Variants in PDK2 observed in about 807,000 individuals in gnomAD.
PDK2 encodes the protein pyruvate dehydrogenase kinase 2, also known as pyruvate dehydrogenase kinase, isozyme 2.
A neutral mutation model predicts 50.4 loss-of-function variants in PDK2; 34 were observed. That is an observed-to-expected ratio of 0.68 (90% confidence interval 0.51 to 0.90). The LOEUF (loss-of-function observed/expected upper bound fraction) is 0.90, where lower values mean the gene tolerates loss of function less well. PDK2 is among the 40% of genes least tolerant of loss of function. The probability of loss-of-function intolerance (pLI) is 0.00; values close to 1 mark genes in which losing one functional copy is unlikely to be tolerated. For missense variants in PDK2, 377 were observed against 544.5 expected (o/e 0.69, Z 3.06); for synonymous variants, 232 against 216.0 (o/e 1.07, Z -0.65).
Position 50,109,353 on chromosome 17 carries a change from C to T in PDK2, c.1036C>T (p.Leu346Phe). 1 of 1,613,806 alleles carries T rather than the reference C, an allele frequency of 6.2e-7. No homozygotes were observed. Among genetic ancestry groups the T allele is most frequent in the East Asian group, 2.2e-5 (1 of 44,870 alleles). ...CAAGTACTTCCAGGGAGACCTGCAG[C>T]TCTTCTCCATGGAAGGCTTTGGGAC... ...YAKYFQGDLQLFSMEGFGTDA... is the reference protein window; with the variant it reads ...YAKYFQGDLQFFSMEGFGTDA... Residue 346 changes from leucine to phenylalanine, a missense_variant, in exon 10 of 11, where the codon CTC (leucine) becomes TTC (phenylalanine). By Grantham distance (22) the Leu-to-Phe change is conservative. Transcript: ENST00000503176. This position sits in a 1 kb window ranked among gnomAD's most constrained non-coding sequence, Gnocchi z 5.0.
At position 50,097,566 on chromosome 17, in the gene PDK2, T is replaced by TGAGAC; in HGVS notation, c.260+3_260+7dup. The TGAGAC allele has an allele frequency of 6.2e-7, 1 of 1,612,554 alleles. No homozygotes were observed. The highest frequency in any genetic ancestry group is 8.5e-7 in the Non-Finnish European group (1 of 1,179,968). ...CTCCGTGCAGCTGGTGCAGAGCTGG[T>TGAGAC]GAGACCCCTGGCTCAGTCCCTGCAC... On this transcript the variant is annotated splice_region_variant and intron_variant, in intron 2 of 10. Coordinates refer to ENST00000503176, the MANE Select transcript of PDK2 (RefSeq NM_002611.5).
intron 2 of PDK2, among the ~76,000 whole-genome samples, chr17:50,097,999 G>T (rs1910036756): frequency 1.3e-5 from 2 of 152,208 alleles, no homozygotes; most frequent in African/African-American, 4.8e-5. Context: ...CTGCAAGACA[G>T]ACTGTTTTGG....
chr17:50,105,728 G>T (rs1910472216), intron 3 of PDK2, among the ~76,000 whole-genome samples, 157 bp from the exon 4 acceptor site: 1 of 152,212 alleles, frequency 6.6e-6, no homozygotes, highest in African/African-American at 2.4e-5. Flanking sequence ...CCGGCAGGCA[G>T]CTAAAAGATC....
At position 50,110,170 on chromosome 17, in the gene PDK2, A is replaced by G; in HGVS notation, c.*73A>G. 1.4e-6 allele frequency: 2 copies of G among 1,461,518 alleles called. No homozygotes were observed. The highest frequency in any genetic ancestry group is 1.8e-6 in the Non-Finnish European group (2 of 1,093,512). The allele number at this position is 1,461,518 out of a possible 1,614,324, so 90.5% of individuals were successfully genotyped here. A position where few individuals can be genotyped will look rare whatever the true frequency, so the allele number is the denominator to read the frequency against. Reference sequence around the variant, plus strand: ...TCCCCCCACCGTGGTGCCCCTCACCATCCTCCTGGGGGAGCAGGGGGTGGG... The same window carrying G: ...TCCCCCCACCGTGGTGCCCCTCACCGTCCTCCTGGGGGAGCAGGGGGTGGG... On this transcript the variant is annotated 3_prime_UTR_variant, in exon 11 of 11. Coordinates refer to ENST00000503176, the MANE Select transcript of PDK2 (RefSeq NM_002611.5).
At position 50,106,789 on chromosome 17, in the gene PDK2, T is replaced by G; in HGVS notation, c.518-5T>G. ...GCCAACAGCATCCTCCCTTCCTGCC[T>G]GCAGCCCTCATCTTTGATGGCAGCA... On this transcript the variant is annotated splice_polypyrimidine_tract_variant and splice_region_variant and intron_variant, in intron 4 of 10. Coordinates refer to ENST00000503176, the MANE Select transcript of PDK2 (RefSeq NM_002611.5). The G allele has an allele frequency of 1.9e-6, 3 of 1,613,766 alleles. No individual in the cohort carries two copies. The highest frequency in any genetic ancestry group is 1.7e-6 in the Non-Finnish European group (2 of 1,179,708).
rs895890216 is a variant in PDK2 at position 50,108,311 on chromosome 17, C to T, written c.763-8C>T. ...TCCCATGCATCTCTTACCTCTGCCCCTCCGCAGAATGCCATGAGGGCGACT... is the reference window on the plus strand; with the variant it reads ...TCCCATGCATCTCTTACCTCTGCCCTTCCGCAGAATGCCATGAGGGCGACT... On this transcript the variant is annotated splice_polypyrimidine_tract_variant and splice_region_variant and intron_variant, in intron 7 of 10. Coordinates refer to ENST00000503176, the MANE Select transcript of PDK2 (RefSeq NM_002611.5). 1 of 1,612,914 alleles carries T rather than the reference C, an allele frequency of 6.2e-7. No individual in the cohort carries two copies. The highest frequency in any genetic ancestry group is 1.3e-5 in the African/African-American group (1 of 74,926).
At chr17:50,108,984 C>T (rs1910672780) in intron 9 of PDK2, among the ~76,000 whole-genome samples, 1 of 152,146 alleles carries the variant, frequency 6.6e-6, no homozygotes, top group Non-Finnish European at 1.5e-5. Context: ...TGTTGTCCAA[C>T]TTGTCAGCAC....
Position 50,109,388 on chromosome 17 carries a change from C to A in PDK2, c.1071C>A (p.Val357=). 6.2e-7 allele frequency: 1 copy of A among 1,608,418 alleles called. No homozygotes were observed. Among genetic ancestry groups the A allele is most frequent in the Non-Finnish European group, 8.5e-7 (1 of 1,175,516 alleles). Reference sequence around the variant, plus strand: ...TGGAAGGCTTTGGGACCGATGCTGTCATCTATCTCAAGGTGAGGGCCCTTC... The same window carrying A: ...TGGAAGGCTTTGGGACCGATGCTGTAATCTATCTCAAGGTGAGGGCCCTTC... ...FSMEGFGTDA[V]IYLKALSTDS... Residue 357 remains valine (V), a synonymous_variant, in exon 10 of 11, where the codon GTC becomes GTA. Coordinates refer to ENST00000503176, the MANE Select transcript of PDK2 (RefSeq NM_002611.5). The surrounding 1 kb of genome is among the most constrained non-coding windows in gnomAD (Gnocchi z 5.0).
At position 50,105,347 on chromosome 17, in the gene PDK2, G is replaced by A. The variant is rs768639647; in HGVS notation, c.261-24G>A. ...GGGCTAGCCACCTGAAGCTGAGGCTGTGTCCCCTCCCGCCCCCACACAGGT... is the reference window on the plus strand; with the variant it reads ...GGGCTAGCCACCTGAAGCTGAGGCTATGTCCCCTCCCGCCCCCACACAGGT... On this transcript the variant is annotated intron_variant, in intron 2 of 10. Transcript: ENST00000503176. 4.5e-6 allele frequency: 7 copies of A among 1,570,450 alleles called. No homozygotes were observed. The South Asian group carries it at 5.9e-5, about 13-fold the overall frequency.
chr17:50,100,287 T>C (rs1294829397), intron 2 of PDK2, among the ~76,000 whole-genome samples: 2 of 152,226 alleles, frequency 1.3e-5, no homozygotes, highest in African/African-American at 2.4e-5. Context: ...TAAATAAACC[T>C]GATACATTTC....
In PDK2 at chr17:50,109,047, T is replaced by C. The variant is rs1001354963; in HGVS notation, c.970-240T>C. On this transcript the variant is annotated intron_variant, in intron 9 of 10. Coordinates refer to ENST00000503176, the MANE Select transcript of PDK2 (RefSeq NM_002611.5). The surrounding 1 kb of genome is among the most constrained non-coding windows in gnomAD (Gnocchi z 5.0). ...AGGAGCCGTGGGGCCTGCTCTGACT[T>C]CCTGGCCCCTGAGCGGAACTCCTCT... is the stretch of plus-strand genomic sequence containing the variant. Among the ~76,000 whole-genome samples the C allele has an allele frequency of 2.0e-5, 3 of 152,106 alleles. No homozygotes were observed. Among genetic ancestry groups the C allele is most frequent in the Admixed American group, 6.5e-5 (1 of 15,282 alleles).
At chr17:50,106,377 T>G in intron 4 of PDK2, 1 of 538,886 alleles carries the variant, frequency 1.9e-6, no homozygotes. Context: ...AACAATTTGT[T>G]GTTTAGAGTT....
rs772261820 is a variant in PDK2 at position 50,109,419 on chromosome 17, G to T, written c.1083+19G>T. 6 of 1,535,300 alleles carry T rather than the reference G, an allele frequency of 3.9e-6. No individual in the cohort carries two copies. In the South Asian group the frequency reaches 6.8e-5, roughly 17 times the overall value. On this transcript the variant is annotated intron_variant, in intron 10 of 10. Transcript: ENST00000503176. The surrounding 1 kb of genome is among the most constrained non-coding windows in gnomAD (Gnocchi z 5.0). ...TCTCAAGGTGAGGGCCCTTCCCGCA[G>T]AGCCCAGCTGGAGAAGAGCTTTGCT...
At chr17:50,108,054 T>A in intron 6 of PDK2, 102 bp from the exon 7 acceptor site, 1 of 877,396 alleles carries the variant, frequency 1.1e-6, no homozygotes. Flanking sequence ...TGGGCAGCCA[T>A]GTACTCAGAA....
intron 2 of PDK2, among the ~76,000 whole-genome samples, chr17:50,104,101 A>G (rs1910378185): frequency 6.6e-6 from 1 of 152,106 alleles, no homozygotes. Context: ...GCCTTCCCCA[A>G]AGGAACAAGC....
Position 50,105,430 on chromosome 17 carries a change from G to A in PDK2, c.320G>A (p.Arg107His), listed in dbSNP as rs202103578. The A allele has an allele frequency of 1.2e-4, 187 of 1,613,650 alleles. 1 individual carries two copies. Among genetic ancestry groups the A allele is most frequent in the Non-Finnish European group, 3.2e-5 (38 of 1,179,806 alleles). ...EFLDKDPEDH[R>H]TLSQFTDALV... ...CTGGACAAGGATCCCGAGGACCATC[G>A]CACCCTGAGCCAGTGAGTGGGGGCC... The change falls in exon 3 of 11, where the codon CGC becomes CAC. Residue 107 changes from arginine (R) to histidine (H), a missense_variant. Arg to His is a conservative substitution (Grantham distance 29). Coordinates refer to ENST00000503176, the MANE Select transcript of PDK2 (RefSeq NM_002611.5).
rs1419541065 is a variant in PDK2, at chr17:50,106,792, A to T, written c.518-2A>T. The T allele has an allele frequency of 6.2e-7, 1 of 1,613,382 alleles. No individual in the cohort carries two copies. Among genetic ancestry groups the T allele is most frequent in the Non-Finnish European group, 8.5e-7 (1 of 1,179,336 alleles). ...AACAGCATCCTCCCTTCCTGCCTGC[A>T]GCCCTCATCTTTGATGGCAGCACCA... On this transcript the variant is annotated splice_acceptor_variant, in intron 4 of 10. Transcript: ENST00000503176. LOFTEE classifies it high-confidence loss of function.
Position 50,108,620 on chromosome 17 carries a change from C to A in PDK2, c.870C>A (p.Asp290Glu). ...CATCCCATCTCTCCCAGATGAGTGA[C>A]CGAGGTGGGGGTGTTCCCTTGAGGA... Reference protein sequence around the residue: ...GEEDLSIKMSDRGGGVPLRKI... With the variant: ...GEEDLSIKMSERGGGVPLRKI... The change falls in exon 9 of 11, where the codon GAC becomes GAA. Residue 290 changes from aspartate to glutamate, a missense_variant. Asp to Glu is a conservative substitution (Grantham distance 45). Transcript: ENST00000503176. 1.2e-6 allele frequency: 2 copies of A among 1,610,778 alleles called. No homozygotes were observed. Among genetic ancestry groups the A allele is most frequent in the Non-Finnish European group, 1.7e-6 (2 of 1,178,194 alleles).
Position 50,110,076 on chromosome 17 carries a change from G to T in PDK2, c.1203G>T (p.Thr401=), listed in dbSNP as rs760121579. Residue 401 remains threonine, a synonymous_variant, in exon 11 of 11, where the codon ACG becomes ACT. Coordinates refer to ENST00000503176, the MANE Select transcript of PDK2 (RefSeq NM_002611.5). ...TGCCCAGCACGGAGCCCAAGAACACGTCCACGTACCGCGTCAGCTAAGGGC... is the reference window on the plus strand; with the variant it reads ...TGCCCAGCACGGAGCCCAAGAACACTTCCACGTACCGCGTCAGCTAAGGGC... The part of the protein sequence containing the change: ...WCVPSTEPKN[T]STYRVS The T allele has an allele frequency of 1.2e-6, 2 of 1,609,664 alleles. No individual in the cohort carries two copies. Among genetic ancestry groups the T allele is most frequent in the Admixed American group, 1.7e-5 (1 of 59,722 alleles).
Sources: allele counts gnomAD v4.1 joint callset (sites outside exome capture counted in the v4.1 genomes callset), GRCh38; gene constraint gnomAD v4.1.1; non-coding constraint Gnocchi (gnomAD v3.1); transcripts MANE v1.5; gene names NCBI Gene and HGNC (gene_info 2026-07-23, HGNC 2026-07-21).